Variants in RPGR observed in about 807,000 individuals in gnomAD.
RPGR encodes X-linked retinitis pigmentosa GTPase regulator.
In RPGR, 10 loss-of-function variants were observed where a neutral mutation model predicts 56.3. The observed-to-expected ratio is 0.18, with a 90% CI of 0.11 to 0.30. RPGR has a LOEUF of 0.30. Ranked by LOEUF, RPGR falls within the 10% of genes least tolerant of loss-of-function variation. The probability of loss-of-function intolerance (pLI) is 1.00; values close to 1 mark genes in which losing one functional copy is unlikely to be tolerated. For missense variants in RPGR, 538 were observed against 590.9 expected (o/e 0.91, Z 0.93); for synonymous variants, 197 against 212.9 (o/e 0.93, Z 0.65).
At chrX:38,278,234 A>T (rs1399275424) in intron 15 of RPGR, among the ~76,000 whole-genome samples, 1 of 111,766 alleles carries the variant, frequency 8.9e-6, no homozygotes, top group Non-Finnish European at 1.9e-5. Flanking sequence ...GCATGATTCC[A>T]ACCGCCTGTT....
At chrX:38,307,094 G>A (rs2067618777) in intron 7 of RPGR, among the ~76,000 whole-genome samples, 1 of 112,366 alleles carries the variant, frequency 8.9e-6, no homozygotes, top group South Asian at 3.6e-4. Context: ...GAAAACTTAG[G>A]TTTATCCAAA....
rs751673388 is a variant in RPGR at position 38,322,725 on chromosome X, C to G, written c.247+128G>C. 2.3e-4 allele frequency: 119 copies of G among 523,475 alleles called. No homozygotes were observed. The East Asian group carries it at 4.4e-3, about 19-fold the overall frequency. The allele number at this position is 523,475 out of a possible 1,213,427, so 43.1% of individuals were successfully genotyped here. A position where few individuals can be genotyped will look rare whatever the true frequency, so the allele number is the denominator to read the frequency against. Reference sequence around the variant, plus strand: ...TATCATATAAAAGATAAGTTAAATGCTAATAATATTCAAGCAAATGTCAGA... The same window carrying G: ...TATCATATAAAAGATAAGTTAAATGGTAATAATATTCAAGCAAATGTCAGA... On this transcript the variant is annotated intron_variant, in intron 3 of 18. Coordinates refer to ENST00000642395, the MANE Select transcript of RPGR (RefSeq NM_000328.3).
In RPGR at chrX:38,287,204, T is replaced by C. The variant is rs2067202648; in HGVS notation, c.1795A>G (p.Asn599Asp). ...TCTACCTCTTGCTCCTCTATTCCAT[T>C]TCCTTTTGAATCCTCTGCTCCTTCC... The change falls in exon 15 of 19, where the codon AAT (asparagine) becomes GAT (aspartate). Residue 599 changes from asparagine to aspartate, a missense_variant. By Grantham distance (23) the Asn-to-Asp change is conservative. Around this residue, in one of 2 missense-constraint regions of RPGR, gnomAD observed 357 missense variants for 325.8 expected, o/e 1.10. Transcript: ENST00000642395. 2 of 1,209,108 alleles carry C rather than the reference T, an allele frequency of 1.7e-6. No homozygotes were observed. The highest frequency in any genetic ancestry group is 1.8e-5 in the African/African-American group (1 of 57,102).
At position 38,287,918 on chromosome X, in the gene RPGR, C is replaced by T. The variant is rs2067217071; in HGVS notation, c.1696G>A (p.Gly566Arg). Reference sequence around the variant, plus strand: ...GTAGCTGGCTGCGTCATGAAAATCCCTTGTGACACATGTTGTTTACATGCT... The same window carrying T: ...GTAGCTGGCTGCGTCATGAAAATCCTTTGTGACACATGTTGTTTACATGCT... The change falls in exon 14 of 19, where the codon GGG becomes AGG. Residue 566 changes from glycine (G) to arginine (R), a missense_variant. By Grantham distance (125) the Gly-to-Arg change is moderately radical (BLOSUM62 -2). Around this residue, in one of 2 missense-constraint regions of RPGR, gnomAD observed 357 missense variants for 325.8 expected, o/e 1.10. Coordinates refer to ENST00000642395, the MANE Select transcript of RPGR (RefSeq NM_000328.3). 5 of 1,211,325 alleles carry T rather than the reference C, an allele frequency of 4.1e-6. No homozygotes were observed. Among genetic ancestry groups the T allele is most frequent in the Non-Finnish European group, 5.6e-6 (5 of 895,206 alleles).
chrX:38,315,969 A>G (rs1030995550), intron 6 of RPGR, among the ~76,000 whole-genome samples: 6 of 110,216 alleles, frequency 5.4e-5, no homozygotes, highest in Admixed American at 9.8e-5. Flanking sequence ...TCAACATACA[A>G]AGAGAAAAAA....
intron 8 of RPGR, among the ~76,000 whole-genome samples, chrX:38,304,068 G>A (rs2067551099): frequency 9.0e-6 from 1 of 111,608 alleles, no homozygotes; most frequent in Non-Finnish European, 1.9e-5. Context: ...GCTGAGAAGT[G>A]GGCTCAAAGG....
intron 1 of RPGR, chrX:38,327,055 C>T (rs2068060630): frequency 3.2e-6 from 1 of 313,179 alleles, no homozygotes; most frequent in South Asian, 7.9e-5. Flanking sequence ...GAAACTCCGT[C>T]TCATAAAAAA....
chrX:38,286,737 T>C (rs1317340652), intron 15 of RPGR: 2 of 1,153,381 alleles, frequency 1.7e-6, no homozygotes, highest in Admixed American at 5.4e-5. Flanking sequence ...CCTCTTTCCC[T>C]TCTCCCTCCT....
intron 18 of RPGR, among the ~76,000 whole-genome samples, chrX:38,270,559 C>T (rs2066825513): frequency 9.7e-6 from 1 of 102,822 alleles, no homozygotes; most frequent in African/African-American, 3.6e-5. Flanking sequence ...GGAGGCGGAG[C>T]TTGCAGTGAG....
intron 4 of RPGR, among the ~76,000 whole-genome samples, chrX:38,319,721 T>C (rs2067893867): frequency 8.9e-6 from 1 of 111,990 alleles, no homozygotes; most frequent in Non-Finnish European, 1.9e-5. Flanking sequence ...TTAAAGTATG[T>C]AAAAATGTTT....
At position 38,321,030 on chromosome X, in the gene RPGR, T is replaced by C; in HGVS notation, c.307A>G (p.Thr103Ala). The change falls in exon 4 of 19, where the codon ACA (threonine) becomes GCA (alanine). Residue 103 changes from threonine to alanine, a missense_variant. Thr to Ala is a moderately conservative substitution (Grantham distance 58). This residue lies in a region of RPGR where 181 missense variants were observed against 265.1 expected (regional missense o/e 0.68). Coordinates refer to ENST00000642395, the MANE Select transcript of RPGR (RefSeq NM_000328.3). ...TCATACAGGTTGAGCACTATACCTG[T>C]TGACACCAGGGTGTGGTTCCTTCCA... 1 of 1,201,902 alleles carries C rather than the reference T, an allele frequency of 8.3e-7. No individual in the cohort carries two copies. Among genetic ancestry groups the C allele is most frequent in the Non-Finnish European group, 1.1e-6 (1 of 886,326 alleles).
At chrX:38,318,278 T>TA (rs2067864033) in intron 5 of RPGR, among the ~76,000 whole-genome samples, 1 of 110,276 alleles carries the variant, frequency 9.1e-6, no homozygotes, top group Non-Finnish European at 1.9e-5. Context: ...ACTTTCCTGA[T>TA]AGAGTAACAC....
At chrX:38,272,530 T>A (rs2066861783) in intron 18 of RPGR, 2 of 108,502 alleles carry the variant, frequency 1.8e-5, no homozygotes, top group African/African-American at 6.8e-5. Context: ...GAGGCAGGAT[T>A]GTGGTGAGCC....
At chrX:38,318,797 G>A (rs1158754833) in intron 5 of RPGR, 32 bp downstream of exon 5, 2 of 1,203,615 alleles carry the variant, frequency 1.7e-6, no homozygotes, top group East Asian at 3.0e-5. Flanking sequence ...GGAAAGGAAT[G>A]TGTCCCAGAC....
At chrX:38,318,437 A>G (rs1344857371) in intron 5 of RPGR, among the ~76,000 whole-genome samples, 1 of 110,877 alleles carries the variant, frequency 9.0e-6, no homozygotes, top group Non-Finnish European at 1.9e-5. Flanking sequence ...GTTGCAAACC[A>G]CATTTTAACA....
intron 16 of RPGR, chrX:38,276,566 T>C: frequency 8.3e-7 from 1 of 1,203,573 alleles, no homozygotes; most frequent in Non-Finnish European, 1.1e-6. Flanking sequence ...GATCTCAGGA[T>C]TTAAGCATCT....
At chrX:38,272,017 A>G (rs1276370608) in intron 18 of RPGR, among the ~76,000 whole-genome samples, 2 of 112,347 alleles carry the variant, frequency 1.8e-5, no homozygotes, top group African/African-American at 6.5e-5. Flanking sequence ...CTGAAATTAA[A>G]ACTTTAAATA....
chrX:38,298,370 C>A (rs4827349), intron 10 of RPGR: 19,625 of 317,146 alleles, frequency 0.062, 805 homozygotes, highest in Admixed American at 0.16. Context: ...TTTCCTCTCT[C>A]TAATTGAAGT....
intron 6 of RPGR, among the ~76,000 whole-genome samples, chrX:38,315,242 G>A (rs1462541985): frequency 9.0e-6 from 1 of 111,549 alleles, no homozygotes; most frequent in Non-Finnish European, 1.9e-5. Flanking sequence ...TGAGGCAAGA[G>A]AATCGCTTGA....
Sources: gnomAD v4.1 joint callset for allele counts (sites outside exome capture counted in the v4.1 genomes callset) on GRCh38, gnomAD v4.1.1 for gene constraint, gnomAD v4.1.1 regional missense constraint, MANE v1.5 for transcripts, NCBI Gene and HGNC (gene_info 2026-07-23, HGNC 2026-07-21) for gene names.